STPG2: variants seen among roughly 807,000 people sequenced by gnomAD.
STPG2 encodes the protein sperm tail PG-rich repeat containing 2.
In STPG2, 56 loss-of-function variants were observed where a neutral mutation model predicts 54.2. The ratio of observed to expected loss-of-function variants is 1.03; its 90% CI spans 0.83 to 1.29. STPG2 has a LOEUF of 1.29. Among genes scored for constraint, STPG2 ranks in the 50% most tolerant of loss-of-function variants. STPG2 has a pLI of 0.00. For synonymous variants in STPG2, 200 were observed against 181.8 expected (o/e 1.10, Z -0.81); for missense variants, 596 against 544.9 (o/e 1.09, Z -0.93).
At chr4:98,122,401 C>A (rs560181558) in intron 3 of STPG2, among the ~76,000 whole-genome samples, 1 of 152,254 alleles carries the variant, frequency 6.6e-6, no homozygotes, top group East Asian at 1.9e-4. Context: ...GAGTTTTTAA[C>A]ATGAAAGGAT....
chr4:97,605,524 G>T (rs1385129265), intron 10 of STPG2, among the ~76,000 whole-genome samples: 2 of 151,588 alleles, frequency 1.3e-5, no homozygotes, highest in Non-Finnish European at 3.0e-5. Flanking sequence ...TTTGAATATT[G>T]AATAAAATAT....
rs1202299659 is a variant in STPG2, at chr4:97,941,290, G to A, written c.1044+2607C>T. On this transcript the variant is annotated intron_variant, in intron 8 of 10. Coordinates refer to ENST00000295268, the MANE Select transcript of STPG2 (RefSeq NM_174952.3). ...TGAAAATGAAAAAAAAAGTGAAAAG[G>A]ACATAGGTATTTTTATATTTATCCT... 3.3e-5 allele frequency among the ~76,000 whole-genome samples: 5 copies of A among 151,980 alleles called. No homozygotes were observed. In the East Asian group the frequency reaches 9.6e-4, roughly 29 times the overall value.
chr4:97,912,643 A>G (rs1731723942), intron 8 of STPG2, among the ~76,000 whole-genome samples: 1 of 152,222 alleles, frequency 6.6e-6, no homozygotes, highest in African/African-American at 2.4e-5. Context: ...GGAATGAACA[A>G]AAAAGAATGA....
At chr4:97,839,587 T>A (rs954937489) in intron 9 of STPG2, among the ~76,000 whole-genome samples, 2 of 151,612 alleles carry the variant, frequency 1.3e-5, no homozygotes, top group Non-Finnish European at 3.0e-5. Context: ...CAGTTGAGTG[T>A]AATCAGGGAC....
At chr4:98,124,861 G>C (rs1739785691) in intron 3 of STPG2, among the ~76,000 whole-genome samples, 1 of 152,046 alleles carries the variant, frequency 6.6e-6, no homozygotes. Flanking sequence ...TTTTTCAGAG[G>C]TTTTGTTCAT....
At chr4:97,485,251 G>A (rs527305350) in intron 4 of STPG2, among the ~76,000 whole-genome samples, 8 of 151,728 alleles carry the variant, frequency 5.3e-5, no homozygotes, top group African/African-American at 7.2e-5. Flanking sequence ...CCAAATCAGC[G>A]AAGAGGAAGT....
chr4:97,782,388 T>C (rs1726670539), intron 9 of STPG2, among the ~76,000 whole-genome samples: 2 of 152,130 alleles, frequency 1.3e-5, no homozygotes, highest in African/African-American at 4.8e-5. Context: ...GAAGAACCTC[T>C]TCAAGGAGAA....
At chr4:98,041,220 A>G (rs1285361751) in intron 5 of STPG2, among the ~76,000 whole-genome samples, 1 of 151,840 alleles carries the variant, frequency 6.6e-6, no homozygotes, top group Non-Finnish European at 1.5e-5. Context: ...TCAAATGTTA[A>G]GAGTCTTTTG....
intron 8 of STPG2, among the ~76,000 whole-genome samples, chr4:97,923,814 G>T (rs1399392699): frequency 6.6e-6 from 1 of 152,150 alleles, no homozygotes; most frequent in Non-Finnish European, 1.5e-5. Context: ...ATCTAGTGGA[G>T]AACTTTTATG....
At chr4:98,046,050 C>CTTTTT (rs546145548) in intron 5 of STPG2, among the ~76,000 whole-genome samples, 1 of 136,502 alleles carries the variant, frequency 7.3e-6, no homozygotes. Context: ...TTTTTTCATT[C>CTTTTT]TTTTTTTTTT....
chr4:97,805,838 A>T (rs1193487138), intron 9 of STPG2, among the ~76,000 whole-genome samples: 2 of 133,854 alleles, frequency 1.5e-5, no homozygotes, highest in African/African-American at 3.0e-5. Context: ...ATTAAAAAGT[A>T]AAAAAAAAAA....
chr4:97,988,751 A>C (rs899734491), intron 5 of STPG2, among the ~76,000 whole-genome samples: 3 of 152,138 alleles, frequency 2.0e-5, no homozygotes, highest in Admixed American at 6.5e-5. Context: ...AACCACAGGC[A>C]TGCGCCACCA....
Position 98,020,486 on chromosome 4 carries a change from G to C in STPG2, c.613-39168C>G, listed in dbSNP as rs192667333. ...ATATTGGTCTAAAATTCTCTTTTTT[G>C]GTTGTATCTCTGCCCGGCTTTGGTA... On this transcript the variant is annotated intron_variant, in intron 5 of 10. Coordinates refer to ENST00000295268, the MANE Select transcript of STPG2 (RefSeq NM_174952.3). Among the ~76,000 whole-genome samples the C allele has an allele frequency of 7.0e-3, 1,059 of 151,504 alleles. 8 individuals carry two copies. The highest frequency in any genetic ancestry group is 0.011 in the Non-Finnish European group (741 of 67,848).
intron 7 of STPG2, among the ~76,000 whole-genome samples, chr4:97,966,504 A>G (rs1734104774): frequency 6.6e-6 from 1 of 152,202 alleles, no homozygotes; most frequent in African/African-American, 2.4e-5. Flanking sequence ...CCAACATTCA[A>G]ATTCAGGAAA....
chr4:97,821,200 C>T (rs1160005617), intron 9 of STPG2, among the ~76,000 whole-genome samples: 1 of 152,058 alleles, frequency 6.6e-6, no homozygotes, highest in East Asian at 1.9e-4. Flanking sequence ...GAGAAACTGG[C>T]CAGAAGAAAA....
chr4:97,770,600 A>G (rs886077782), intron 9 of STPG2, among the ~76,000 whole-genome samples: 7 of 152,212 alleles, frequency 4.6e-5, no homozygotes, highest in African/African-American at 9.6e-5. Flanking sequence ...CAAGGGAAGA[A>G]GCAAGTATAC....
At chr4:97,718,467 A>G (rs1457680952) in intron 9 of STPG2, among the ~76,000 whole-genome samples, 4 of 152,012 alleles carry the variant, frequency 2.6e-5, no homozygotes, top group Non-Finnish European at 4.4e-5. Flanking sequence ...CAGAAAGAGG[A>G]GCCTACATTA....
intron 9 of STPG2, among the ~76,000 whole-genome samples, chr4:97,800,765 G>T (rs1578576837): frequency 6.6e-6 from 1 of 152,148 alleles, no homozygotes; most frequent in African/African-American, 2.4e-5. Flanking sequence ...GTTTGGCTAT[G>T]CCCTACCCCC....
chr4:97,701,820 A>C (rs1332237306), intron 10 of STPG2, among the ~76,000 whole-genome samples: 1 of 152,140 alleles, frequency 6.6e-6, no homozygotes, highest in Non-Finnish European at 1.5e-5. Flanking sequence ...TCTGCTGTCC[A>C]TCACAGTAGC....
Sources: allele counts gnomAD v4.1 joint callset (sites outside exome capture counted in the v4.1 genomes callset), GRCh38; gene constraint gnomAD v4.1.1; transcripts MANE v1.5; gene names NCBI Gene and HGNC (gene_info 2026-07-23, HGNC 2026-07-21).